The following MYSM1 variants were observed in gnomAD, a reference collection of about 807,000 sequenced individuals.
The protein encoded by MYSM1 is deubiquitinase MYSM1.
Under a neutral mutation model 116.0 loss-of-function variants are expected in MYSM1, and 51 were observed. That is an observed-to-expected ratio of 0.44 (90% CI 0.35 to 0.56). The LOEUF is 0.56. Ranked by LOEUF, MYSM1 falls within the 20% of genes least tolerant of loss-of-function variation. MYSM1 has a pLI of 0.00. For synonymous variants in MYSM1, 313 were observed against 315.2 expected (o/e 0.99, Z 0.07); for missense variants, 900 against 974.9 (o/e 0.92, Z 1.02).
At chr1:58,682,659 GT>G in intron 7 of MYSM1, 114 bp from the exon 8 acceptor site, 2 of 957,348 alleles carry the variant, frequency 2.1e-6, no homozygotes, top group Non-Finnish European at 2.9e-6. Flanking sequence ...CATGTAAATG[GT>G]ACATTATACC....
In MYSM1 at chr1:58,659,679, A is replaced by G. The variant is rs955452214; in HGVS notation, c.*318T>C. ...GACTAGTTCAGGGAAGAAATGACTTAGAGACATAGTCCAAATCCCAAGCTG... is the reference window on the plus strand; with the variant it reads ...GACTAGTTCAGGGAAGAAATGACTTGGAGACATAGTCCAAATCCCAAGCTG... On this transcript the variant is annotated 3_prime_UTR_variant, in exon 20 of 20. Transcript: ENST00000472487. 25 of 181,712 alleles carry G rather than the reference A, an allele frequency of 1.4e-4. No homozygotes were observed. The highest frequency in any genetic ancestry group is 9.3e-4 in the Admixed American group (15 of 16,186). 11.3% of individuals were successfully genotyped at this position (181,712 alleles called of 1,614,324 possible).
intron 17 of MYSM1, among the ~76,000 whole-genome samples, chr1:58,662,589 A>G (rs1283744266): frequency 6.6e-6 from 1 of 151,784 alleles, no homozygotes; most frequent in Non-Finnish European, 1.5e-5. Flanking sequence ...TAACTTATAC[A>G]TAATACTGCC....
intron 17 of MYSM1, 105 bp downstream of exon 17, chr1:58,665,394 A>G: frequency 1.1e-6 from 1 of 886,812 alleles, no homozygotes; most frequent in East Asian, 2.7e-5. Context: ...TGAGGGCACA[A>G]ACTCTTGCAT....
intron 8 of MYSM1, among the ~76,000 whole-genome samples, chr1:58,677,446 A>C (rs926062835): frequency 2.6e-5 from 4 of 152,162 alleles, no homozygotes; most frequent in Admixed American, 2.6e-4. Flanking sequence ...TATTACTTAG[A>C]TTCATCTACT....
At position 58,685,267 on chromosome 1, in the gene MYSM1, G is replaced by T; in HGVS notation, c.400-16C>A. 6.5e-7 allele frequency: 1 copy of T among 1,539,364 alleles called. No individual in the cohort carries two copies. The highest frequency in any genetic ancestry group is 8.8e-7 in the Non-Finnish European group (1 of 1,135,710). ...CAAATTTAGCCTGTATTATTAAAAT[G>T]GGAAAAAAAATTGCTTTTGATGAAT... is the stretch of plus-strand genomic sequence containing the variant. On this transcript the variant is annotated splice_polypyrimidine_tract_variant and intron_variant, in intron 6 of 19. Coordinates refer to ENST00000472487, the MANE Select transcript of MYSM1 (RefSeq NM_001085487.3).
chr1:58,690,203 A>G, intron 5 of MYSM1, 23 bp downstream of exon 5: 1 of 1,471,784 alleles, frequency 6.8e-7, no homozygotes. Context: ...ACAGATTTAT[A>G]AATATAAAAT....
At chr1:58,673,728 A>G (rs1358339284) in intron 10 of MYSM1, 78 bp from the exon 11 acceptor site, 18 of 1,198,118 alleles carry the variant, frequency 1.5e-5, no homozygotes, top group Non-Finnish European at 2.1e-5. Flanking sequence ...CACAAAATGA[A>G]AACAATAATT....
At chr1:58,690,089 T>C (rs1016710132) in intron 5 of MYSM1, 137 bp downstream of exon 5, 10 of 681,408 alleles carry the variant, frequency 1.5e-5, no homozygotes, top group Non-Finnish European at 2.4e-5. Flanking sequence ...TCCAACATCT[T>C]TATTAAAAAA....
At chr1:58,674,224 G>A (rs76466843) in intron 10 of MYSM1, among the ~76,000 whole-genome samples, 1,702 of 152,224 alleles carry the variant, frequency 0.011, 15 homozygotes, top group Non-Finnish European at 0.017. Context: ...TCAACCACTT[G>A]TGGTAGAAAA....
rs749029184 is a variant in MYSM1, at chr1:58,667,901, T to C, written c.1788A>G (p.Ala596=). 6.2e-7 allele frequency: 1 copy of C among 1,612,684 alleles called. No individual in the cohort carries two copies. The highest frequency in any genetic ancestry group is 8.5e-7 in the Non-Finnish European group (1 of 1,178,796). The change falls in exon 15 of 20, where the codon GCA becomes GCG. Residue 596 remains alanine, a synonymous_variant. Coordinates refer to ENST00000472487, the MANE Select transcript of MYSM1 (RefSeq NM_001085487.3). ...IMDLHAHVSM[A]EVIGLLGGRY... is the part of the protein sequence containing the mutation. ...TTCCTCCTAACAGACCAATCACTTC[T>C]GCCATAGAAACATGAGCATGCTAAA... is the stretch of plus-strand genomic sequence containing the variant.
At chr1:58,671,686 T>C (rs1644563761) in intron 12 of MYSM1, among the ~76,000 whole-genome samples, 184 bp downstream of exon 12, 1 of 152,134 alleles carries the variant, frequency 6.6e-6, no homozygotes, top group African/African-American at 2.4e-5. Flanking sequence ...TCTGAACAAA[T>C]TTAAAATGTT....
intron 5 of MYSM1, chr1:58,689,397 T>G: frequency 3.5e-6 from 1 of 289,014 alleles, no homozygotes; most frequent in African/African-American, 2.2e-5. Context: ...GTCAATGTGA[T>G]AACAAACAAA....
chr1:58,666,890 A>C (rs1475990943), intron 16 of MYSM1, 148 bp downstream of exon 16: 1 of 365,932 alleles, frequency 2.7e-6, no homozygotes, highest in Non-Finnish European at 4.6e-6. Flanking sequence ...AAAAATAATA[A>C]TAAAAATAAA....
At chr1:58,683,748 C>T (rs1557520132) in intron 7 of MYSM1, among the ~76,000 whole-genome samples, 1 of 152,082 alleles carries the variant, frequency 6.6e-6, no homozygotes, top group Non-Finnish European at 1.5e-5. Flanking sequence ...AACTGGCTTA[C>T]TATGTAGAGA....
At chr1:58,669,363 T>C (rs1007880197) in intron 12 of MYSM1, among the ~76,000 whole-genome samples, 5 of 152,256 alleles carry the variant, frequency 3.3e-5, no homozygotes, top group Admixed American at 3.3e-4. Flanking sequence ...TATAATTAAC[T>C]GTCATGAGAC....
At chr1:58,660,320 G>A (rs1453405757) in intron 19 of MYSM1, among the ~76,000 whole-genome samples, 165 bp from the exon 20 acceptor site, 1 of 152,120 alleles carries the variant, frequency 6.6e-6, no homozygotes, top group East Asian at 1.9e-4. Flanking sequence ...TAGTCACAGA[G>A]CTGGAATGTA....
intron 8 of MYSM1, among the ~76,000 whole-genome samples, chr1:58,680,213 G>T (rs900258903): frequency 2.0e-5 from 3 of 152,142 alleles, no homozygotes; most frequent in African/African-American, 7.2e-5. Context: ...ATTAGGCCAT[G>T]TAGAATAAAA....
At chr1:58,690,603 T>C (rs1644890915) in intron 3 of MYSM1, among the ~76,000 whole-genome samples, 186 bp from the exon 4 acceptor site, 1 of 152,128 alleles carries the variant, frequency 6.6e-6, no homozygotes, top group Admixed American at 6.5e-5. Context: ...GCAGGCTACA[T>C]GTGGCCCAGG....
intron 5 of MYSM1, among the ~76,000 whole-genome samples, chr1:58,689,950 C>T (rs183941034): frequency 6.6e-6 from 1 of 152,214 alleles, no homozygotes; most frequent in East Asian, 1.9e-4. Context: ...TATCACATAA[C>T]AGCTTCTCAA....
Sources: allele counts gnomAD v4.1 joint callset (sites outside exome capture counted in the v4.1 genomes callset), GRCh38; gene constraint gnomAD v4.1.1; transcripts MANE v1.5; gene names NCBI Gene and HGNC (gene_info 2026-07-23, HGNC 2026-07-21).